The following PEBP4 variants were observed in gnomAD, a reference collection of about 807,000 sequenced individuals.
The protein encoded by PEBP4 is phosphatidylethanolamine binding protein 4.
Under a neutral mutation model 23.9 loss-of-function variants are expected in PEBP4, and 22 were observed. The observed-to-expected ratio is 0.92, with a 90% CI of 0.66 to 1.31. The LOEUF is 1.31. PEBP4 is among the 40% of genes most tolerant of loss of function. PEBP4 has a pLI of 0.00. For synonymous variants in PEBP4, 112 were observed against 99.3 expected (o/e 1.13, Z -0.76); for missense variants, 324 against 281.7 (o/e 1.15, Z -1.07).
chr8:22,808,113 C>T (rs188691209), intron 4 of PEBP4, among the ~76,000 whole-genome samples: 2 of 151,888 alleles, frequency 1.3e-5, no homozygotes, highest in African/African-American at 4.8e-5. Context: ...CAGCTATCCA[C>T]CCACCTACCC....
upstream of PEBP4, among the ~76,000 whole-genome samples, chr8:22,932,655 C>T (rs1809475750): frequency 6.6e-6 from 1 of 151,996 alleles, no homozygotes; most frequent in East Asian, 1.9e-4. Flanking sequence ...TTAACTGCAC[C>T]CTGGGTGAGA....
chr8:22,917,142 C>T (rs755736762), intron 3 of PEBP4, among the ~76,000 whole-genome samples: 25 of 152,110 alleles, frequency 1.6e-4, no homozygotes, highest in Non-Finnish European at 3.7e-4. Flanking sequence ...GGGGGTGTTC[C>T]CAGGCATGTC....
chr8:22,785,738 C>T (rs963968931), intron 4 of PEBP4, among the ~76,000 whole-genome samples: 3 of 152,176 alleles, frequency 2.0e-5, no homozygotes, highest in Non-Finnish European at 2.9e-5. Flanking sequence ...TCCAGGTCCC[C>T]GGAGAGGCCA....
intron 4 of PEBP4, among the ~76,000 whole-genome samples, chr8:22,785,067 G>A (rs1806001533): frequency 6.6e-6 from 1 of 152,192 alleles, no homozygotes; most frequent in Non-Finnish European, 1.5e-5. Context: ...AGAACACTTT[G>A]CCGCCCACTC....
chr8:22,826,902 A>G (rs1039295527), intron 3 of PEBP4, among the ~76,000 whole-genome samples: 2 of 152,224 alleles, frequency 1.3e-5, no homozygotes, highest in African/African-American at 2.4e-5. Flanking sequence ...AATAACGTGG[A>G]ATGTGCAGCA....
At chr8:22,919,947 G>C (rs2128780615) in intron 3 of PEBP4, among the ~76,000 whole-genome samples, 1 of 152,274 alleles carries the variant, frequency 6.6e-6, no homozygotes, top group Non-Finnish European at 1.5e-5. Flanking sequence ...AAAGGCCTGG[G>C]CAGAATGGCC....
intron 3 of PEBP4, among the ~76,000 whole-genome samples, chr8:22,848,032 C>G (rs1337547362): frequency 2.7e-5 from 4 of 149,988 alleles, no homozygotes; most frequent in African/African-American, 7.5e-5. Context: ...TGCTAAAGCT[C>G]TCTCTCTCTC....
intron 3 of PEBP4, among the ~76,000 whole-genome samples, chr8:22,888,956 T>C (rs1334299452): frequency 6.6e-6 from 1 of 152,254 alleles, no homozygotes. Flanking sequence ...CCTTCCAGGC[T>C]TCGGCAAACT....
chr8:22,882,519 C>G (rs1254025539), intron 3 of PEBP4, among the ~76,000 whole-genome samples: 1 of 152,192 alleles, frequency 6.6e-6, no homozygotes, highest in East Asian at 1.9e-4. Context: ...CTATTTTGAT[C>G]ATGAACAGAG....
chr8:22,866,229 T>C (rs1448609995), intron 3 of PEBP4, among the ~76,000 whole-genome samples: 5 of 152,186 alleles, frequency 3.3e-5, no homozygotes, highest in Admixed American at 6.5e-5. Context: ...TTAGCTAATA[T>C]ATGTACGACA....
chr8:22,908,593 A>G (rs1353577300), intron 3 of PEBP4, among the ~76,000 whole-genome samples: 1 of 152,184 alleles, frequency 6.6e-6, no homozygotes, highest in Non-Finnish European at 1.5e-5. Flanking sequence ...CAACAGCGCT[A>G]GGATTTAAAC....
chr8:22,868,042 T>C (rs1280063255), intron 3 of PEBP4, among the ~76,000 whole-genome samples: 1 of 152,058 alleles, frequency 6.6e-6, no homozygotes, highest in Non-Finnish European at 1.5e-5. Flanking sequence ...CAGGGTAGAT[T>C]TGGCTGTTTG....
chr8:22,875,888 T>C (rs1472477920), intron 3 of PEBP4, among the ~76,000 whole-genome samples: 1 of 152,120 alleles, frequency 6.6e-6, no homozygotes, highest in African/African-American at 2.4e-5. Flanking sequence ...AATTTTTAGC[T>C]TCAAGATTCT....
intron 3 of PEBP4, among the ~76,000 whole-genome samples, chr8:22,866,082 G>A (rs1008972701): frequency 6.6e-6 from 1 of 152,206 alleles, no homozygotes; most frequent in Non-Finnish European, 1.5e-5. Context: ...AAGAAATCAG[G>A]AAATAACTTC....
intron 4 of PEBP4, among the ~76,000 whole-genome samples, chr8:22,783,658 GTGGTTTT>G (rs1323758756): frequency 7.9e-5 from 12 of 152,208 alleles, no homozygotes; most frequent in African/African-American, 2.9e-4. Flanking sequence ...AACACATGCT[GTGGTTTT>G]TGGTTTTTGT....
At chr8:22,914,301 A>G (rs980291012) in intron 3 of PEBP4, among the ~76,000 whole-genome samples, 1 of 151,964 alleles carries the variant, frequency 6.6e-6, no homozygotes, top group Non-Finnish European at 1.5e-5. Context: ...ATTTTTTTGT[A>G]GAGATGGGGT....
chr8:22,891,670 G>A (rs1297545029), intron 3 of PEBP4, among the ~76,000 whole-genome samples: 1 of 152,214 alleles, frequency 6.6e-6, no homozygotes, highest in Non-Finnish European at 1.5e-5. Flanking sequence ...CCACTTAGGT[G>A]GGCCCGCCTC....
chr8:22,729,454 G>A (rs373131587), intron 4 of PEBP4, among the ~76,000 whole-genome samples: 12 of 152,376 alleles, frequency 7.9e-5, no homozygotes, highest in African/African-American at 2.9e-4. Flanking sequence ...AGCAGGCAAG[G>A]GTGGGGGCCA....
At chr8:22,921,121 G>C (rs1266131268) in intron 2 of PEBP4, among the ~76,000 whole-genome samples, 1 of 152,258 alleles carries the variant, frequency 6.6e-6, no homozygotes, top group Non-Finnish European at 1.5e-5. Flanking sequence ...GTAAGTGCAT[G>C]CTTATATTTG....
Sources: allele counts gnomAD v4.1 joint callset (sites outside exome capture counted in the v4.1 genomes callset), GRCh38; gene constraint gnomAD v4.1.1; transcripts MANE v1.5; gene names NCBI Gene and HGNC (gene_info 2026-07-23, HGNC 2026-07-21).